The following MTMR3 variants were observed in gnomAD, a reference collection of about 807,000 sequenced individuals.
MTMR3 encodes the protein phosphatidylinositol-3,5-bisphosphate 3-phosphatase MTMR3.
In MTMR3, 32 loss-of-function variants were observed where a neutral mutation model predicts 132.4. The ratio of observed to expected loss-of-function variants is 0.24; its 90% CI spans 0.18 to 0.32. The LOEUF is 0.32. Among genes scored for constraint, MTMR3 ranks in the 10% least tolerant of loss-of-function variants. The pLI, the probability that MTMR3 is intolerant of heterozygous loss-of-function variation, is 1.00. For synonymous variants in MTMR3, 556 were observed against 550.3 expected (o/e 1.01, Z -0.14); for missense variants, 1,216 against 1,489.6 (o/e 0.82, Z 3.02).
At chr22:30,018,133 C>A in intron 16 of MTMR3, 61 bp downstream of exon 16, 1 of 1,507,722 alleles carries the variant, frequency 6.6e-7, no homozygotes, top group South Asian at 1.3e-5. Context: ...TGTGTTGGGA[C>A]GTGTGCAGGG....
chr22:29,939,832 G>T (rs111421404), intron 1 of MTMR3, among the ~76,000 whole-genome samples: 1 of 152,088 alleles, frequency 6.6e-6, no homozygotes. Flanking sequence ...TGACCTGCCC[G>T]TATACATCCA....
At chr22:29,920,654 G>C (rs2065392070) in intron 1 of MTMR3, among the ~76,000 whole-genome samples, 1 of 151,800 alleles carries the variant, frequency 6.6e-6, no homozygotes, top group South Asian at 2.1e-4. Flanking sequence ...CAGTGTTGTA[G>C]AACTATTATG....
intron 1 of MTMR3, among the ~76,000 whole-genome samples, chr22:29,936,325 A>G (rs922675103): frequency 1.3e-5 from 2 of 152,172 alleles, no homozygotes; most frequent in Non-Finnish European, 2.9e-5. Context: ...AACTGATCAC[A>G]TGGACCAGAT....
At position 30,027,491 on chromosome 22, in the gene MTMR3, TTC is replaced by T. The variant is rs1466990122; in HGVS notation, c.*1692_*1693del. 6.5e-6 allele frequency: 1 copy of T among 152,766 alleles called. No individual in the cohort carries two copies. The highest frequency in any genetic ancestry group is 1.5e-5 in the Non-Finnish European group (1 of 68,028). The allele number at this position is 152,766 out of a possible 1,614,324, so 9.5% of individuals were successfully genotyped here. A position where few individuals can be genotyped will look rare whatever the true frequency, so the allele number is the denominator to read the frequency against. On this transcript the variant is annotated 3_prime_UTR_variant, in exon 20 of 20. Transcript: ENST00000401950. ...TTGAACGTGGTGAAACAGGGTGTAG[TTC>T]TTTTCCACATTCTGTGTCATCTAGT...
chr22:30,020,366 T>G lies in MTMR3; in HGVS notation c.2707T>G (p.Ser903Ala). Residue 903 changes from serine to alanine, a missense_variant, in exon 17 of 20, where the codon TCC becomes GCC. Transcript: ENST00000401950. ...AGTGGGGTCTGTGGTGCATAGGACT[T>G]CCCTTGGCAGCACTCTCAGCCTGAC... The part of the protein sequence containing the change: ...PQVGSVVHRT[S>A]LGSTLSLTRS... The G allele has an allele frequency of 6.8e-6, 11 of 1,614,122 alleles. No homozygotes were observed. Among genetic ancestry groups the G allele is most frequent in the Non-Finnish European group, 9.3e-6 (11 of 1,180,014 alleles).
intron 1 of MTMR3, among the ~76,000 whole-genome samples, chr22:29,923,218 G>A (rs2065453287): frequency 6.9e-6 from 1 of 144,720 alleles, no homozygotes; most frequent in African/African-American, 2.5e-5. Flanking sequence ...ATTTTTTGTA[G>A]TTTTTTTTTT....
chr22:29,945,176 C>T (rs567431646), intron 1 of MTMR3, among the ~76,000 whole-genome samples: 3 of 152,152 alleles, frequency 2.0e-5, no homozygotes, highest in Middle Eastern at 3.4e-3. Flanking sequence ...TGAGGCCTGG[C>T]GAATTTTTCA....
chr22:29,934,532 A>G (rs2065710263), intron 1 of MTMR3, among the ~76,000 whole-genome samples: 1 of 151,658 alleles, frequency 6.6e-6, no homozygotes, highest in Admixed American at 6.6e-5. Flanking sequence ...TTGCATTTTA[A>G]TATAAAAATC....
In MTMR3 at chr22:30,020,525, G is replaced by A. The variant is rs1369728519; in HGVS notation, c.2866G>A (p.Gly956Arg). Residue 956 changes from glycine to arginine, a missense_variant, in exon 17 of 20, where the codon GGG (glycine) becomes AGG (arginine). Gly to Arg is a moderately radical substitution (Grantham distance 125). This residue lies in a region of MTMR3 where 852 missense variants were observed against 852.0 expected (regional missense o/e 1.00). Coordinates refer to ENST00000401950, the MANE Select transcript of MTMR3 (RefSeq NM_021090.4). ...STLQMYPTPNGHCANGEAGRS... is the reference protein window; with the variant it reads ...STLQMYPTPNRHCANGEAGRS... The stretch of plus-strand genomic sequence containing the variant: ...CCTCCAGATGTACCCCACACCCAAT[G>A]GGCATTGCGCCAATGGGGAGGCTGG... The A allele has an allele frequency of 3.7e-6, 6 of 1,614,076 alleles. No individual in the cohort carries two copies. Among genetic ancestry groups the A allele is most frequent in the Non-Finnish European group, 5.1e-6 (6 of 1,180,052 alleles).
chr22:29,927,935 C>CTTTTTTTTTTTTTTTTTTTTTTTTT (rs1448628702), intron 1 of MTMR3, among the ~76,000 whole-genome samples: 1 of 108,472 alleles, frequency 9.2e-6, no homozygotes, highest in African/African-American at 3.1e-5. Context: ...AATCTCTAGC[C>CTTTTTTTTTTTTTTTTTTTTTTTTT]TTTGTTTTTT....
intron 5 of MTMR3, chr22:29,987,792 A>G (rs1414758371): frequency 6.6e-6 from 1 of 152,228 alleles, no homozygotes; most frequent in African/African-American, 2.4e-5. Flanking sequence ...CCATTTGGCA[A>G]ACGGGGCTTC....
At position 30,012,399 on chromosome 22, in the gene MTMR3, C is replaced by G. The variant is rs1202944875; in HGVS notation, c.1153C>G (p.Leu385Val). 6.2e-7 allele frequency: 1 copy of G among 1,613,730 alleles called. No homozygotes were observed. The highest frequency in any genetic ancestry group is 8.5e-7 in the Non-Finnish European group (1 of 1,179,922). Residue 385 changes from leucine (L) to valine (V), a missense_variant, in exon 13 of 20, where the codon CTC becomes GTC. Leu to Val is a conservative substitution (Grantham distance 32). Around this residue, in one of 7 missense-constraint regions of MTMR3, gnomAD observed 106 missense variants for 209.5 expected, o/e 0.51. Transcript: ENST00000401950. ...ATCAGCTCTTGAAAGCACAAAATGG[C>G]TCCATCACTTGTCTGTGCTTCTGAA... ...WLSALESTKW[L>V]HHLSVLLKSA...
intron 1 of MTMR3, chr22:29,899,778 CAG>C (rs1277038615): frequency 6.6e-6 from 1 of 152,098 alleles, no homozygotes; most frequent in Non-Finnish European, 1.5e-5. Context: ...GTGGTGAGGA[CAG>C]GGGAGATTGT....
At chr22:29,894,959 T>C (rs1166971724) in intron 1 of MTMR3, among the ~76,000 whole-genome samples, 3 of 152,226 alleles carry the variant, frequency 2.0e-5, no homozygotes, top group African/African-American at 7.2e-5. Flanking sequence ...GTGCCTATAA[T>C]ACCAGCACTT....
intron 3 of MTMR3, 143 bp downstream of exon 3, chr22:29,971,205 T>C (rs1569030361): frequency 1.3e-6 from 1 of 775,932 alleles, no homozygotes; most frequent in African/African-American, 2.0e-5. Flanking sequence ...TCTTGTGTCT[T>C]TTCTTTTCTT....
At chr22:30,012,253 G>A (rs919423869) in intron 12 of MTMR3, 115 bp from the exon 13 acceptor site, 3 of 1,169,510 alleles carry the variant, frequency 2.6e-6, no homozygotes, top group Non-Finnish European at 2.4e-6. Flanking sequence ...TTTTGGCAGT[G>A]TTATATTTGG....
chr22:29,913,446 A>G (rs2065251035), intron 1 of MTMR3, among the ~76,000 whole-genome samples: 1 of 152,226 alleles, frequency 6.6e-6, no homozygotes, highest in African/African-American at 2.4e-5. Context: ...TCTTAACCAG[A>G]GCACATATGT....
chr22:29,975,965 T>C (rs539837201), intron 3 of MTMR3, among the ~76,000 whole-genome samples: 190 of 152,326 alleles, frequency 1.2e-3, no homozygotes, highest in African/African-American at 4.2e-3. Context: ...AGTGAACTTT[T>C]TGTATTATAT....
chr22:29,998,651 T>G (rs1164308227), intron 7 of MTMR3, 110 bp from the exon 8 acceptor site: 3 of 539,108 alleles, frequency 5.6e-6, no homozygotes, highest in Non-Finnish European at 9.0e-6. Context: ...TCAAAAAATA[T>G]ATATATATTT....
Sources: allele counts gnomAD v4.1 joint callset (sites outside exome capture counted in the v4.1 genomes callset), GRCh38; gene constraint gnomAD v4.1.1; regional missense constraint gnomAD v4.1.1; transcripts MANE v1.5; gene names NCBI Gene and HGNC (gene_info 2026-07-23, HGNC 2026-07-21).